Variants in SOS1 observed in about 807,000 individuals in gnomAD.
The protein encoded by SOS1 is son of sevenless homolog 1.
A neutral mutation model predicts 157.6 loss-of-function variants in SOS1; 25 were observed. The observed-to-expected ratio is 0.16, with a 90% CI of 0.12 to 0.22. The LOEUF is 0.22. Ranked by LOEUF, SOS1 falls within the 10% of genes least tolerant of loss-of-function variation. The pLI, the probability that SOS1 is intolerant of heterozygous loss-of-function variation, is 1.00. For synonymous variants in SOS1, 528 were observed against 534.0 expected (o/e 0.99, Z 0.16); for missense variants, 1,237 against 1,599.1 (o/e 0.77, Z 3.86).
intron 15 of SOS1, chr2:39,007,552 T>G: frequency 5.0e-6 from 1 of 198,426 alleles, no homozygotes; most frequent in Non-Finnish European, 1.0e-5. Context: ...AATTCTGTTG[T>G]GTTCTATTCT....
chr2:39,033,949 G>A (rs958248127), intron 8 of SOS1, among the ~76,000 whole-genome samples: 16 of 151,428 alleles, frequency 1.1e-4, no homozygotes, highest in African/African-American at 3.6e-4. Flanking sequence ...CGTTATTAGA[G>A]AAACCATTAC....
Position 39,056,754 on chromosome 2 carries a change from C to T in SOS1, c.458G>A (p.Arg153Gln), listed in dbSNP as rs761951846. The change falls in exon 4 of 23, where the codon CGG becomes CAG. Residue 153 changes from arginine to glutamine, a missense_variant. Transcript: ENST00000402219. ...KLVGNYVRNI[R>Q]HYEITKQDIK... ...ATCTTGTTTTGTAATTTCATAATGCCGTATATTTCTTACATAATTCCCAAC... is the reference window on the plus strand; with the variant it reads ...ATCTTGTTTTGTAATTTCATAATGCTGTATATTTCTTACATAATTCCCAAC... 2 of 1,602,190 alleles carry T rather than the reference C, an allele frequency of 1.2e-6. No individual in the cohort carries two copies. Among genetic ancestry groups the T allele is most frequent in the East Asian group, 2.2e-5 (1 of 44,690 alleles).
chr2:39,114,674 A>G (rs926359876), intron 1 of SOS1, among the ~76,000 whole-genome samples: 1 of 151,994 alleles, frequency 6.6e-6, no homozygotes, highest in Non-Finnish European at 1.5e-5. Flanking sequence ...GTGTGATCTC[A>G]GCTCACTGAA....
In SOS1 at chr2:38,983,314, T is replaced by C; in HGVS notation, c.*2510A>G. ...TTTCATATTGAGAAGAAGGCAAGGA[T>C]GCCATTTTCTCACCTCCACCTAAGG... On this transcript the variant is annotated 3_prime_UTR_variant, in exon 23 of 23. Coordinates refer to ENST00000402219, the MANE Select transcript of SOS1 (RefSeq NM_005633.4). The C allele has an allele frequency of 6.6e-6, 1 of 152,172 alleles. No homozygotes were observed. Among genetic ancestry groups the C allele is most frequent in the East Asian group, 1.9e-4 (1 of 5,184 alleles). The allele number at this position is 152,172 out of a possible 1,614,324, so 9.4% of individuals were successfully genotyped here.
Position 39,054,804 on chromosome 2 carries a change from T to C in SOS1, c.530A>G (p.His177Arg). Residue 177 changes from histidine (H) to arginine (R), a missense_variant, in exon 5 of 23, where the codon CAT (histidine) becomes CGT (arginine). Physicochemically the swap from His to Arg is conservative, Grantham distance 29. Coordinates refer to ENST00000402219, the MANE Select transcript of SOS1 (RefSeq NM_005633.4). Reference protein sequence around the residue: ...CADKVLMDMFHQDVEDINILS... With the variant: ...CADKVLMDMFRQDVEDINILS... ...TATATTAATATCTTCTACATCTTGA[T>C]GAAACATATCCATCAATACCTATAC... 2 of 1,504,986 alleles carry C rather than the reference T, an allele frequency of 1.3e-6. No homozygotes were observed. Among genetic ancestry groups the C allele is most frequent in the East Asian group, 4.5e-5 (2 of 44,242 alleles). The allele number at this position is 1,504,986 out of a possible 1,614,324, so 93.2% of individuals were successfully genotyped here. A position where few individuals can be genotyped will look rare whatever the true frequency, so the allele number is the denominator to read the frequency against.
chr2:39,003,087 G>C (rs1572812582), intron 17 of SOS1, among the ~76,000 whole-genome samples: 1 of 49,382 alleles, frequency 2.0e-5, no homozygotes, highest in Non-Finnish European at 4.4e-5. Flanking sequence ...AAGAACGTAG[G>C]GGTAGGGGAA....
intron 1 of SOS1, among the ~76,000 whole-genome samples, chr2:39,116,432 C>T (rs952563917): frequency 6.6e-6 from 1 of 152,190 alleles, no homozygotes; most frequent in Non-Finnish European, 1.5e-5. Context: ...ACCCTTAGTT[C>T]AAATGTGTAT....
intron 5 of SOS1, among the ~76,000 whole-genome samples, chr2:39,051,549 A>G (rs1342531327): frequency 6.6e-6 from 1 of 152,194 alleles, no homozygotes; most frequent in Non-Finnish European, 1.5e-5. Context: ...AAATTATTGA[A>G]GATTCTAAAA....
At chr2:39,035,574 A>G in intron 6 of SOS1, 74 bp from the exon 7 acceptor site, 1 of 1,040,692 alleles carries the variant, frequency 9.6e-7, no homozygotes, top group Non-Finnish European at 1.5e-6. Context: ...ATGGGGCACG[A>G]CTATGCGAGC....
rs1193542346 is a variant in SOS1, at chr2:39,010,694, C to T, written c.2400G>A (p.Gln800=). Residue 800 remains glutamine, a synonymous_variant, in exon 15 of 23, where the codon CAG becomes CAA. Coordinates refer to ENST00000402219, the MANE Select transcript of SOS1 (RefSeq NM_005633.4). ...ACACACTTCCAACTAATTCTGATGG[C>T]TGTACAGCTCTAAAATCATCAATAC... ...LLESDLYRAV[Q]PSELVGSVWT... 3.1e-6 allele frequency: 5 copies of T among 1,606,634 alleles called. No homozygotes were observed. The highest frequency in any genetic ancestry group is 2.2e-5 in the East Asian group (1 of 44,838).
At chr2:39,044,972 G>A (rs566893154) in intron 6 of SOS1, among the ~76,000 whole-genome samples, 22 of 151,936 alleles carry the variant, frequency 1.4e-4, no homozygotes, top group Non-Finnish European at 3.1e-4. Context: ...ATATAAAATG[G>A]TATATTTGCA....
chr2:39,075,753 A>T (rs889288232), intron 1 of SOS1, among the ~76,000 whole-genome samples: 1 of 152,140 alleles, frequency 6.6e-6, no homozygotes, highest in African/African-American at 2.4e-5. Context: ...CACAAATACT[A>T]CTGTATTATA....
At chr2:39,006,812 T>C (rs1188536195) in intron 16 of SOS1, among the ~76,000 whole-genome samples, 2 of 152,204 alleles carry the variant, frequency 1.3e-5, no homozygotes, top group Non-Finnish European at 2.9e-5. Flanking sequence ...CGAAAGTTTT[T>C]TCTTCTAGCT....
chr2:38,985,433 T>TA lies in SOS1; in HGVS notation c.*390dup, dbSNP rs1558454370. The TA allele has an allele frequency of 4.6e-5, 8 of 174,982 alleles. No homozygotes were observed. Among genetic ancestry groups the TA allele is most frequent in the Non-Finnish European group, 1.0e-4 (8 of 80,142 alleles). The allele number at this position is 174,982 out of a possible 1,614,324, so 10.8% of individuals were successfully genotyped here. On this transcript the variant is annotated 3_prime_UTR_variant, in exon 23 of 23. Coordinates refer to ENST00000402219, the MANE Select transcript of SOS1 (RefSeq NM_005633.4). ...AGATCCCTGTTTAAGTTTTTTTTTTTAAAAGTGCATAATTTGAATTACAAA... is the reference window on the plus strand; with the variant it reads ...AGATCCCTGTTTAAGTTTTTTTTTTTAAAAAGTGCATAATTTGAATTACAAA...
At position 38,984,264 on chromosome 2, in the gene SOS1, G is replaced by A. The variant is rs1433851573; in HGVS notation, c.*1560C>T. 1 of 152,128 alleles carries A rather than the reference G, an allele frequency of 6.6e-6. No individual in the cohort carries two copies. Among genetic ancestry groups the A allele is most frequent in the African/African-American group, 2.4e-5 (1 of 41,432 alleles). The allele number at this position is 152,128 out of a possible 1,614,324, so 9.4% of individuals were successfully genotyped here. ...CTGCACATTTCACAGACATTATAGT[G>A]GAGATTAATAAAATGTTTTCTCTTC... On this transcript the variant is annotated 3_prime_UTR_variant, in exon 23 of 23. Coordinates refer to ENST00000402219, the MANE Select transcript of SOS1 (RefSeq NM_005633.4).
chr2:39,076,655 G>C (rs1672009538), intron 1 of SOS1, among the ~76,000 whole-genome samples: 3 of 151,988 alleles, frequency 2.0e-5, no homozygotes. Flanking sequence ...CTTGATAAAG[G>C]ATATAAACAA....
intron 21 of SOS1, among the ~76,000 whole-genome samples, 183 bp downstream of exon 21, chr2:38,989,087 T>C (rs1668639990): frequency 2.0e-5 from 3 of 152,086 alleles, no homozygotes. Context: ...ATGAGAAATA[T>C]ATAAATTTAA....
intron 1 of SOS1, among the ~76,000 whole-genome samples, chr2:39,107,944 C>T (rs1044277662): frequency 4.6e-5 from 7 of 152,146 alleles, no homozygotes; most frequent in Non-Finnish European, 5.9e-5. Context: ...AGGCCTTCCA[C>T]GCTTGGATAT....
chr2:38,987,361 C>T, intron 22 of SOS1, 112 bp downstream of exon 22: 1 of 707,846 alleles, frequency 1.4e-6, no homozygotes, highest in Non-Finnish European at 2.6e-6. Flanking sequence ...AACTATTAAG[C>T]CTGTATACTC....
Sources: allele counts gnomAD v4.1 joint callset (sites outside exome capture counted in the v4.1 genomes callset), GRCh38; gene constraint gnomAD v4.1.1; transcripts MANE v1.5; gene names NCBI Gene and HGNC (gene_info 2026-07-23, HGNC 2026-07-21).